IMPG1: variants seen among roughly 807,000 people sequenced by gnomAD.
IMPG1 encodes interphotoreceptor matrix proteoglycan of 150 kDa.
In IMPG1, 85 loss-of-function variants were observed where a neutral mutation model predicts 92.0. The observed-to-expected ratio is 0.92, with a 90% CI of 0.78 to 1.11. IMPG1 has a LOEUF of 1.11. Among genes scored for constraint, IMPG1 ranks in the 50% least tolerant of loss-of-function variants. The probability of loss-of-function intolerance (pLI) is 0.00; values close to 1 mark genes in which losing one functional copy is unlikely to be tolerated. For missense variants in IMPG1, 1,022 were observed against 956.0 expected (o/e 1.07, Z -0.91); for synonymous variants, 367 against 334.1 (o/e 1.10, Z -1.08).
chr6:75,971,475 A>T (rs1782414597), intron 12 of IMPG1, among the ~76,000 whole-genome samples: 1 of 144,598 alleles, frequency 6.9e-6, no homozygotes, highest in Non-Finnish European at 1.5e-5. Context: ...TAATAATAAT[A>T]AAAAAAAATC....
chr6:76,032,111 T>C (rs1329427512), intron 4 of IMPG1, among the ~76,000 whole-genome samples: 1 of 152,230 alleles, frequency 6.6e-6, no homozygotes, highest in African/African-American at 2.4e-5. Context: ...ACATAGCTAA[T>C]GTAAAATATT....
chr6:75,968,875 G>A (rs956735354), intron 12 of IMPG1, among the ~76,000 whole-genome samples: 4 of 152,052 alleles, frequency 2.6e-5, no homozygotes, highest in African/African-American at 9.7e-5. Context: ...AGAACTGCAA[G>A]CAATACATTT....
At chr6:76,060,834 AT>A (rs1784193247) in intron 1 of IMPG1, among the ~76,000 whole-genome samples, 1 of 152,132 alleles carries the variant, frequency 6.6e-6, no homozygotes, top group East Asian at 1.9e-4. Flanking sequence ...GTGATACTTT[AT>A]AATATAGTGA....
intron 1 of IMPG1, among the ~76,000 whole-genome samples, chr6:76,065,085 G>GA (rs1010995840): frequency 3.3e-5 from 5 of 151,834 alleles, no homozygotes; most frequent in African/African-American, 1.2e-4. Context: ...TCCTGAAGGG[G>GA]AAAAAATCCT....
chr6:75,942,800 C>A (rs1357796737), intron 14 of IMPG1, among the ~76,000 whole-genome samples: 1 of 152,176 alleles, frequency 6.6e-6, no homozygotes, highest in Non-Finnish European at 1.5e-5. Context: ...GATTGAAAAT[C>A]ATCTGCACAT....
At chr6:75,988,822 T>C (rs1782767318) in intron 12 of IMPG1, among the ~76,000 whole-genome samples, 1 of 152,166 alleles carries the variant, frequency 6.6e-6, no homozygotes, top group African/African-American at 2.4e-5. Context: ...CAGTTTCCTT[T>C]CCAGGAAGCC....
chr6:76,025,073 G>C, intron 5 of IMPG1, 121 bp downstream of exon 5: 1 of 674,262 alleles, frequency 1.5e-6, no homozygotes, highest in Middle Eastern at 2.5e-4. Context: ...AGAAATATAA[G>C]CTAGTTTTGA....
At chr6:75,956,556 T>C (rs1195854071) in intron 12 of IMPG1, among the ~76,000 whole-genome samples, 2 of 152,220 alleles carry the variant, frequency 1.3e-5, no homozygotes, top group Non-Finnish European at 1.5e-5. Flanking sequence ...CCTGTATTCA[T>C]TGATTTTTTG....
intron 14 of IMPG1, among the ~76,000 whole-genome samples, chr6:75,938,319 C>T (rs1781781764): frequency 6.6e-6 from 1 of 152,192 alleles, no homozygotes; most frequent in Admixed American, 6.5e-5. Flanking sequence ...CAAATTCTCT[C>T]TTCTCCTTAG....
intron 1 of IMPG1, among the ~76,000 whole-genome samples, chr6:76,069,412 G>T (rs561282785): frequency 2.6e-5 from 4 of 152,136 alleles, no homozygotes; most frequent in South Asian, 2.1e-4. Context: ...CACAGTAAAA[G>T]AAATATTCAA....
At chr6:76,028,478 C>T (rs1207733166) in intron 4 of IMPG1, among the ~76,000 whole-genome samples, 1 of 152,208 alleles carries the variant, frequency 6.6e-6, no homozygotes, top group Non-Finnish European at 1.5e-5. Flanking sequence ...TGGAATACTG[C>T]TGATCCTTGT....
chr6:76,056,811 G>A (rs1163799638), intron 1 of IMPG1, among the ~76,000 whole-genome samples: 1 of 152,046 alleles, frequency 6.6e-6, no homozygotes, highest in Non-Finnish European at 1.5e-5. Context: ...CCATTTTTAT[G>A]TCTTATTTGG....
intron 14 of IMPG1, among the ~76,000 whole-genome samples, chr6:75,937,787 TGG>T (rs1781771916): frequency 6.6e-6 from 1 of 152,218 alleles, no homozygotes; most frequent in African/African-American, 2.4e-5. Flanking sequence ...AAATGCATCC[TGG>T]ATGTCAGACT....
At chr6:76,027,469 C>T (rs1007649355) in intron 4 of IMPG1, among the ~76,000 whole-genome samples, 5 of 152,070 alleles carry the variant, frequency 3.3e-5, no homozygotes, top group African/African-American at 1.2e-4. Context: ...ATTAGATTTA[C>T]ATGTAAGGGG....
rs76841031 is a variant in IMPG1 at position 75,960,766 on chromosome 6, C to T, written c.1292-9672G>A. 3.2e-3 allele frequency among the ~76,000 whole-genome samples: 487 copies of T among 152,274 alleles called. 1 individual carries two copies. Among genetic ancestry groups the T allele is most frequent in the African/African-American group, 0.011 (450 of 41,556 alleles). On this transcript the variant is annotated intron_variant, in intron 12 of 16. Transcript: ENST00000369950. ...AGTCCAACATTGTATTTTTGCACTA[C>T]AATAGGAAAGTCAAACACTAAAAGC...
At chr6:76,049,091 T>C (rs549004540) in intron 1 of IMPG1, among the ~76,000 whole-genome samples, 1 of 152,230 alleles carries the variant, frequency 6.6e-6, no homozygotes, top group South Asian at 2.1e-4. Context: ...AGCAAAGCAA[T>C]GCAGGAACAG....
chr6:75,999,617 C>T (rs1383413691), intron 12 of IMPG1, among the ~76,000 whole-genome samples: 4 of 152,048 alleles, frequency 2.6e-5, no homozygotes, highest in African/African-American at 9.7e-5. Context: ...GTCTTTTTAT[C>T]ACGAATGTTT....
intron 12 of IMPG1, among the ~76,000 whole-genome samples, chr6:75,993,510 G>A (rs1249654735): frequency 6.6e-6 from 1 of 151,634 alleles, no homozygotes; most frequent in Non-Finnish European, 1.5e-5. Flanking sequence ...GAGAGAGAGA[G>A]AAAGAAAGAG....
chr6:75,944,745 G>C lies in IMPG1; in HGVS notation c.2044+2569C>G, dbSNP rs541961959. 4.5e-4 allele frequency among the ~76,000 whole-genome samples: 69 copies of C among 152,338 alleles called. 1 individual carries two copies. Among genetic ancestry groups the C allele is most frequent in the Middle Eastern group, 3.4e-3 (1 of 294 alleles). On this transcript the variant is annotated intron_variant, in intron 14 of 16. Transcript: ENST00000369950. ...AAAGTATCTCCCTTGTAGTTACCAT[G>C]TGTAGTCATTCAACATTCAACAGCT...
Sources: gnomAD v4.1 joint callset for allele counts (sites outside exome capture counted in the v4.1 genomes callset) on GRCh38, gnomAD v4.1.1 for gene constraint, MANE v1.5 for transcripts, NCBI Gene and HGNC (gene_info 2026-07-23, HGNC 2026-07-21) for gene names.